The following PACS1 variants were observed in gnomAD, a reference collection of about 807,000 sequenced individuals.
The protein encoded by PACS1 is PACS-1.
PACS1 carries 24 observed loss-of-function variants against 115.0 expected under a neutral mutation model. The ratio of observed to expected loss-of-function variants is 0.21; its 90% CI spans 0.15 to 0.29. PACS1 has a LOEUF of 0.29. PACS1 is among the 10% of genes least tolerant of loss of function. The probability of loss-of-function intolerance (pLI) is 1.00; values close to 1 mark genes in which losing one functional copy is unlikely to be tolerated. For synonymous variants in PACS1, 453 were observed against 504.5 expected (o/e 0.90, Z 1.37); for missense variants, 838 against 1,251.2 (o/e 0.67, Z 4.98).
At position 66,161,138 on chromosome 11, in the gene PACS1, T is replaced by C. The variant is rs77768751; in HGVS notation, c.357-32348T>C. On this transcript the variant is annotated intron_variant, in intron 1 of 23. Coordinates refer to ENST00000320580, the MANE Select transcript of PACS1 (RefSeq NM_018026.4). ...TGTGTTGTTGTTGTTATTCTGTGTG[T>C]ATGGCCAAAGTTTAAAGAAATTTCA... 8.4e-3 allele frequency among the ~76,000 whole-genome samples: 1,275 copies of C among 152,270 alleles called. 89 individuals carry two copies. The East Asian group carries it at 0.17, about 21-fold the overall frequency.
At position 66,126,887 on chromosome 11, in the gene PACS1, C is replaced by T. The variant is rs1407842858; in HGVS notation, c.356+56045C>T. 2.6e-5 allele frequency among the ~76,000 whole-genome samples: 4 copies of T among 152,090 alleles called. No individual in the cohort carries two copies. The East Asian group carries it at 7.7e-4, about 29-fold the overall frequency. On this transcript the variant is annotated intron_variant, in intron 1 of 23. Transcript: ENST00000320580. ...GTGGGAGGTGACTGGCAGCAAGGGCCTCGTCGCTATTAGTGCAACACTGCT... is the reference window on the plus strand; with the variant it reads ...GTGGGAGGTGACTGGCAGCAAGGGCTTCGTCGCTATTAGTGCAACACTGCT...
intron 1 of PACS1, among the ~76,000 whole-genome samples, chr11:66,075,738 C>CTTTTTTTT (rs756089252): frequency 7.5e-6 from 1 of 134,128 alleles, no homozygotes; most frequent in Non-Finnish European, 1.6e-5. Context: ...ATTAAAAGTC[C>CTTTTTTTT]TTTTTTTTTT....
chr11:66,178,596 A>C (rs1859930499), intron 1 of PACS1, among the ~76,000 whole-genome samples: 2 of 152,168 alleles, frequency 1.3e-5, no homozygotes, highest in Non-Finnish European at 2.9e-5. Context: ...TTAAATGTTT[A>C]CTTAGTAACT....
rs565962202 is a variant in PACS1, at chr11:66,100,166, C to T, written c.356+29324C>T. Reference sequence around the variant, plus strand: ...AAGTGCTGGGATTACAGGCGTGGGCCACCACGCCTGCCTTTTTCTTTATAT... The same window carrying T: ...AAGTGCTGGGATTACAGGCGTGGGCTACCACGCCTGCCTTTTTCTTTATAT... On this transcript the variant is annotated intron_variant, in intron 1 of 23. Transcript: ENST00000320580. Among the ~76,000 whole-genome samples the T allele has an allele frequency of 1.2e-3, 182 of 152,320 alleles. 1 individual carries two copies. The highest frequency in any genetic ancestry group is 0.011 in the East Asian group (57 of 5,190).
At chr11:66,110,855 C>T (rs1041821692) in intron 1 of PACS1, among the ~76,000 whole-genome samples, 11 of 152,224 alleles carry the variant, frequency 7.2e-5, no homozygotes, top group African/African-American at 2.2e-4. Flanking sequence ...AGGCATGAGC[C>T]GTAGCACCCA....
At chr11:66,228,660 C>T (rs964766982) in intron 11 of PACS1, among the ~76,000 whole-genome samples, 2 of 152,124 alleles carry the variant, frequency 1.3e-5, no homozygotes, top group Non-Finnish European at 2.9e-5. Flanking sequence ...AAAAAATGCA[C>T]GCCATAGGAT....
At chr11:66,151,151 C>A (rs760888912) in intron 1 of PACS1, among the ~76,000 whole-genome samples, 7 of 151,764 alleles carry the variant, frequency 4.6e-5, no homozygotes, top group Non-Finnish European at 1.0e-4. Context: ...GGGAGCCCAG[C>A]AAGACAAAAA....
At chr11:66,143,832 G>T (rs1322898372) in intron 1 of PACS1, among the ~76,000 whole-genome samples, 1 of 152,138 alleles carries the variant, frequency 6.6e-6, no homozygotes, top group East Asian at 1.9e-4. Flanking sequence ...TAGAAATGGG[G>T]TTTTGCTATG....
chr11:66,157,384 G>A (rs995226609), intron 1 of PACS1, among the ~76,000 whole-genome samples: 7 of 152,106 alleles, frequency 4.6e-5, no homozygotes, highest in Admixed American at 3.3e-4. Context: ...AGTATTTGCA[G>A]TGGAGGAAGC....
intron 1 of PACS1, among the ~76,000 whole-genome samples, chr11:66,152,284 A>C (rs1163126925): frequency 6.6e-6 from 1 of 152,186 alleles, no homozygotes; most frequent in African/African-American, 2.4e-5. Context: ...GACAGAGAAA[A>C]GAATCTGTGC....
intron 1 of PACS1, among the ~76,000 whole-genome samples, chr11:66,100,279 G>GT (rs1857884814): frequency 6.6e-6 from 1 of 152,106 alleles, no homozygotes; most frequent in African/African-American, 2.4e-5. Context: ...TTGCATGTTT[G>GT]TAAGTACCTC....
In PACS1 at chr11:66,235,542, T is replaced by C; in HGVS notation, c.2207+139T>C. On this transcript the variant is annotated intron_variant, in intron 18 of 23. Coordinates refer to ENST00000320580, the MANE Select transcript of PACS1 (RefSeq NM_018026.4). The surrounding 1 kb of genome is among the most constrained non-coding windows in gnomAD (Gnocchi z 5.6). ...AACCCAAAAGGATATGAGTGGTTTT[T>C]ACCACCACCTCCCCAGCACTCCTTC... 1.5e-6 allele frequency: 1 copy of C among 664,778 alleles called. No homozygotes were observed. Among genetic ancestry groups the C allele is most frequent in the Non-Finnish European group, 2.6e-6 (1 of 378,752 alleles). The allele number at this position is 664,778 out of a possible 1,614,324, so 41.2% of individuals were successfully genotyped here.
intron 1 of PACS1, among the ~76,000 whole-genome samples, chr11:66,142,399 A>G (rs1007079766): frequency 6.6e-6 from 1 of 151,980 alleles, no homozygotes; most frequent in African/African-American, 2.4e-5. Context: ...GCTCACTGCA[A>G]CCGCCACCTG....
chr11:66,208,658 T>TA (rs769442696), intron 2 of PACS1, among the ~76,000 whole-genome samples: 40,823 of 112,292 alleles, frequency 0.36, 6,839 homozygotes, highest in East Asian at 0.51. Flanking sequence ...CTCTTTTTAT[T>TA]AAAAAAAAAA....
At chr11:66,164,692 TC>T (rs1363496928) in intron 1 of PACS1, among the ~76,000 whole-genome samples, 2 of 143,638 alleles carry the variant, frequency 1.4e-5, no homozygotes, top group Admixed American at 1.4e-4. Flanking sequence ...CAAGTGATCC[TC>T]CTGCCTCAGC....
chr11:66,212,158 A>T (rs1283168360), intron 4 of PACS1, among the ~76,000 whole-genome samples: 3 of 148,554 alleles, frequency 2.0e-5, no homozygotes, highest in Admixed American at 6.7e-5. Flanking sequence ...TTTGAGATGG[A>T]GTCTTGCTCT....
chr11:66,148,962 A>G (rs904166202), intron 1 of PACS1, among the ~76,000 whole-genome samples: 1 of 152,102 alleles, frequency 6.6e-6, no homozygotes, highest in African/African-American at 2.4e-5. Flanking sequence ...AAGTCACTAT[A>G]TATGTTTTAA....
At chr11:66,237,526 C>T (rs1171234649) in intron 19 of PACS1, among the ~76,000 whole-genome samples, 1 of 152,190 alleles carries the variant, frequency 6.6e-6, no homozygotes, top group Non-Finnish European at 1.5e-5. Flanking sequence ...CTGGGGAAAT[C>T]CAGCAGCCCT....
chr11:66,082,432 A>G (rs979472931), intron 1 of PACS1, among the ~76,000 whole-genome samples: 1 of 152,134 alleles, frequency 6.6e-6, no homozygotes, highest in Non-Finnish European at 1.5e-5. Context: ...CCTGGCCTCA[A>G]GTGATCCTCT....
Sources: allele counts gnomAD v4.1 joint callset (sites outside exome capture counted in the v4.1 genomes callset), GRCh38; gene constraint gnomAD v4.1.1; non-coding constraint Gnocchi (gnomAD v3.1); transcripts MANE v1.5; gene names NCBI Gene and HGNC (gene_info 2026-07-23, HGNC 2026-07-21).